The following SCFD1 variants were observed in gnomAD, a reference collection of about 807,000 sequenced individuals.
The protein encoded by SCFD1 is sec1 family domain-containing protein 1.
Under a neutral mutation model 103.2 loss-of-function variants are expected in SCFD1, and 37 were observed. That is an observed-to-expected ratio of 0.36 (90% CI 0.28 to 0.47). SCFD1 has a LOEUF of 0.47. Among genes scored for constraint, SCFD1 ranks in the 20% least tolerant of loss-of-function variants. The pLI is 1.00. For missense variants in SCFD1, 639 were observed against 761.2 expected, an observed-to-expected ratio of 0.84 and a Z score of 1.89; for synonymous variants, 264 against 245.0, an observed-to-expected ratio of 1.08 and a Z score of -0.73.
In SCFD1 at chr14:30,703,946, TATATATATATATATATAA is replaced by T. The variant is rs1435139366; in HGVS notation, c.1490+1575_1490+1592del. On this transcript the variant is annotated intron_variant, in intron 17 of 24. Coordinates refer to ENST00000458591, the MANE Select transcript of SCFD1 (RefSeq NM_016106.4). ...ATATATATATATATATATATATATA[TATATATATATATATATAA>T]ATAATGAGATATCTTGGGGATGGGA... is the stretch of plus-strand genomic sequence containing the variant. 5.9e-3 allele frequency among the ~76,000 whole-genome samples: 354 copies of T among 59,620 alleles called. 10 individuals carry two copies. The highest frequency in any genetic ancestry group is 0.034 in the African/African-American group (198 of 5,840). 39.1% of individuals were successfully genotyped at this position (59,620 alleles called of 152,430 possible).
At chr14:30,625,669 A>ATATAGGCATATAGGTATACCTATATAGG (rs1883343158) in intron 1 of SCFD1, among the ~76,000 whole-genome samples, 3 of 152,152 alleles carry the variant, frequency 2.0e-5, no homozygotes, top group African/African-American at 4.8e-5. Flanking sequence ...AGGTATAGGT[A>ATATAGGCATATAGGTATACCTATATAGG]TATAGGCATA....
At position 30,639,868 on chromosome 14, in the gene SCFD1, T is replaced by C. The variant is rs748476008; in HGVS notation, c.523+4T>C. The C allele has an allele frequency of 1.9e-6, 3 of 1,576,300 alleles. No individual in the cohort carries two copies. Among genetic ancestry groups the C allele is most frequent in the Admixed American group, 1.9e-5 (1 of 53,474 alleles). ...AAGGAGCTTGTTTCATATCGTGGTATGTAAAAATAGAAATGTTGCAATTCT... is the reference window on the plus strand; with the variant it reads ...AAGGAGCTTGTTTCATATCGTGGTACGTAAAAATAGAAATGTTGCAATTCT... On this transcript the variant is annotated splice_donor_region_variant and intron_variant, in intron 6 of 24. Coordinates refer to ENST00000458591, the MANE Select transcript of SCFD1 (RefSeq NM_016106.4).
chr14:30,725,290 A>T lies in SCFD1; in HGVS notation c.1836+2731A>T, dbSNP rs551451023. On this transcript the variant is annotated intron_variant, in intron 23 of 24. Coordinates refer to ENST00000458591, the MANE Select transcript of SCFD1 (RefSeq NM_016106.4). ...TGCTTTGGGCAGTATGGCCATTTTA[A>T]TGCTATTTCTTCTTCCTATCCATGA... 5.8e-4 allele frequency among the ~76,000 whole-genome samples: 88 copies of T among 152,192 alleles called. 1 individual carries two copies. In the South Asian group the frequency reaches 0.018, roughly 31 times the overall value.
At chr14:30,632,046 GAAAAAAAA>G (rs61645782) in intron 3 of SCFD1, among the ~76,000 whole-genome samples, 1 of 70,266 alleles carries the variant, frequency 1.4e-5, no homozygotes, top group Non-Finnish European at 2.6e-5. Context: ...AGATTCTGTT[GAAAAAAAA>G]AAAAAAAAAA....
intron 10 of SCFD1, among the ~76,000 whole-genome samples, chr14:30,661,305 A>G (rs74567386): frequency 0.013 from 1,949 of 152,272 alleles, 47 homozygotes; most frequent in African/African-American, 0.045. Context: ...AAGAAACCAG[A>G]TGACTGTTAT....
At chr14:30,645,323 T>C (rs966657933) in intron 7 of SCFD1, among the ~76,000 whole-genome samples, 1 of 152,216 alleles carries the variant, frequency 6.6e-6, no homozygotes, top group African/African-American at 2.4e-5. Flanking sequence ...TTCAGGCTCT[T>C]TTTTGGTTCT....
intron 14 of SCFD1, among the ~76,000 whole-genome samples, chr14:30,683,787 A>G (rs1040591480): frequency 1.3e-5 from 2 of 152,214 alleles, no homozygotes; most frequent in Admixed American, 6.5e-5. Flanking sequence ...CCTCCTGAGA[A>G]GTAGGGAGAA....
chr14:30,691,247 C>T (rs1890276769), intron 14 of SCFD1, among the ~76,000 whole-genome samples: 1 of 152,152 alleles, frequency 6.6e-6, no homozygotes, highest in South Asian at 2.1e-4. Flanking sequence ...TAATTCCTAG[C>T]TCATAGTGTT....
chr14:30,626,793 G>A (rs1308799942), intron 1 of SCFD1, among the ~76,000 whole-genome samples: 5 of 152,100 alleles, frequency 3.3e-5, no homozygotes, highest in Admixed American at 6.5e-5. Context: ...ATAAGGGTTC[G>A]GCACAACAGT....
At chr14:30,695,741 A>T (rs758823036) in intron 15 of SCFD1, among the ~76,000 whole-genome samples, 35 of 152,010 alleles carry the variant, frequency 2.3e-4, no homozygotes, top group Non-Finnish European at 4.4e-4. Flanking sequence ...GCAGGGTGGC[A>T]TGCATCTGTA....
rs375990834 is a variant in SCFD1 at position 30,678,314 on chromosome 14, T to C, written c.1242+3249T>C. 1.3e-3 allele frequency among the ~76,000 whole-genome samples: 195 copies of C among 152,338 alleles called. 1 individual carries two copies. Among genetic ancestry groups the C allele is most frequent in the Non-Finnish European group, 2.0e-3 (138 of 68,036 alleles). On this transcript the variant is annotated intron_variant, in intron 14 of 24. Transcript: ENST00000458591. ...TAACCTTTTTAGAAATCCTGGCAGT[T>C]ACCCCGCAATTGATGTTTTGGTGGA...
intron 4 of SCFD1, among the ~76,000 whole-genome samples, chr14:30,635,840 G>A (rs229156): frequency 0.49 from 75,003 of 151,914 alleles, 21,507 homozygotes; most frequent in African/African-American, 0.79. Flanking sequence ...ACTGTTTTGC[G>A]AAGTGTGGTT....
intron 12 of SCFD1, 128 bp downstream of exon 12, chr14:30,673,475 A>G (rs1888737231): frequency 2.2e-5 from 11 of 499,848 alleles, no homozygotes; most frequent in Non-Finnish European, 4.0e-5. Flanking sequence ...AAATATTTTC[A>G]ACTTGCGTAA....
intron 9 of SCFD1, chr14:30,652,508 A>G (rs1369697288): frequency 6.6e-6 from 1 of 152,148 alleles, no homozygotes; most frequent in Non-Finnish European, 1.5e-5. Flanking sequence ...GTTTGTGTTT[A>G]TAGGAAAAAA....
intron 14 of SCFD1, among the ~76,000 whole-genome samples, chr14:30,684,858 G>C (rs1374245884): frequency 1.4e-5 from 1 of 72,704 alleles, no homozygotes; most frequent in Non-Finnish European, 2.3e-5. Context: ...TGTGCACATT[G>C]TGCAGGTTAG....
chr14:30,726,814 C>T (rs377457071), intron 23 of SCFD1, among the ~76,000 whole-genome samples: 1 of 152,088 alleles, frequency 6.6e-6, no homozygotes, highest in Non-Finnish European at 1.5e-5. Context: ...GTCATTAAGT[C>T]GTCTTGCTCA....
chr14:30,655,199 A>C (rs1886784761), intron 10 of SCFD1, among the ~76,000 whole-genome samples: 1 of 152,214 alleles, frequency 6.6e-6, no homozygotes. Context: ...GGAAGTTCTC[A>C]CTGATAAAAT....
At chr14:30,733,844 C>A (rs984505227) in intron 23 of SCFD1, among the ~76,000 whole-genome samples, 5 of 152,208 alleles carry the variant, frequency 3.3e-5, no homozygotes, top group African/African-American at 9.7e-5. Context: ...TCTCCTTGAA[C>A]AAGAATCAGG....
At chr14:30,683,573 G>A in intron 14 of SCFD1, 1 of 263,628 alleles carries the variant, frequency 3.8e-6, no homozygotes. Context: ...GCTAGTGGTG[G>A]CTGGGTCGCA....
Sources: allele counts gnomAD v4.1 joint callset (sites outside exome capture counted in the v4.1 genomes callset), GRCh38; gene constraint gnomAD v4.1.1; transcripts MANE v1.5; gene names NCBI Gene and HGNC (gene_info 2026-07-23, HGNC 2026-07-21).